NT5C2: variants seen among roughly 807,000 people sequenced by gnomAD.
NT5C2 encodes cytosolic purine 5'-nucleotidase.
A neutral mutation model predicts 76.1 loss-of-function variants in NT5C2; 58 were observed. That is an observed-to-expected ratio of 0.76 (90% confidence interval 0.62 to 0.95). The LOEUF (loss-of-function observed/expected upper bound fraction) is 0.95, where lower values mean the gene tolerates loss of function less well. Among genes scored for constraint, NT5C2 ranks in the 40% least tolerant of loss-of-function variants. The pLI is 0.00. For missense variants in NT5C2, 478 were observed against 690.3 expected, an observed-to-expected ratio of 0.69 and a Z score of 3.45; for synonymous variants, 229 against 237.4, an observed-to-expected ratio of 0.96 and a Z score of 0.32.
intron 4 of NT5C2, among the ~76,000 whole-genome samples, chr10:103,116,587 CTT>C (rs11451961): frequency 4.0e-5 from 5 of 126,202 alleles, no homozygotes; most frequent in Non-Finnish European, 4.9e-5. Flanking sequence ...TTTTTTTTTT[CTT>C]TTTTTTTTTT....
At chr10:103,134,255 T>G (rs963076436) in intron 4 of NT5C2, among the ~76,000 whole-genome samples, 1 of 151,728 alleles carries the variant, frequency 6.6e-6, no homozygotes, top group Non-Finnish European at 1.5e-5. Context: ...GGTAGCCCCT[T>G]CCACCACAGG....
chr10:103,164,363 T>C lies in NT5C2; in HGVS notation c.101+10495A>G, dbSNP rs558454490. ...ACTTCTGCCTCCTGGGTTCAAGTGA[T>C]TCTCCTGCCTCAGCCTCCTGAGTAG... is the stretch of plus-strand genomic sequence containing the variant. On this transcript the variant is annotated intron_variant, in intron 3 of 18. Transcript: ENST00000404739. Among the ~76,000 whole-genome samples the C allele has an allele frequency of 2.0e-5, 3 of 152,250 alleles. No individual in the cohort carries two copies. In the South Asian group the frequency reaches 6.2e-4, roughly 32 times the overall value.
intron 10 of NT5C2, 57 bp from the exon 11 acceptor site, chr10:103,097,431 G>T: frequency 7.1e-7 from 1 of 1,416,746 alleles, no homozygotes; most frequent in Non-Finnish European, 1.0e-6. Context: ...TTTACACTTT[G>T]GAGTTGTCAA....
chr10:103,142,018 C>T (rs760829200), intron 3 of NT5C2, among the ~76,000 whole-genome samples: 22 of 152,052 alleles, frequency 1.4e-4, no homozygotes, highest in Non-Finnish European at 2.2e-4. Context: ...AGAAAGGCAA[C>T]GCAGGCAAAA....
intron 4 of NT5C2, among the ~76,000 whole-genome samples, chr10:103,127,495 C>A (rs1313957267): frequency 6.6e-6 from 1 of 152,144 alleles, no homozygotes; most frequent in Admixed American, 6.5e-5. Flanking sequence ...ATGAAGCTCC[C>A]ATCAGAATGG....
intron 3 of NT5C2, chr10:103,153,488 A>G: frequency 1.0e-6 from 1 of 985,362 alleles, no homozygotes; most frequent in Non-Finnish European, 1.2e-6. Flanking sequence ...CCTCAGCTTT[A>G]AATACTTGAA....
At chr10:103,108,129 T>C (rs1034278239) in intron 4 of NT5C2, among the ~76,000 whole-genome samples, 1 of 152,104 alleles carries the variant, frequency 6.6e-6, no homozygotes, top group African/African-American at 2.4e-5. Flanking sequence ...CACTCCAGCC[T>C]TGGCGACAGA....
Position 103,160,447 on chromosome 10 carries a change from G to GTTATTAATT in NT5C2, c.101+14410_101+14411insAATTAATAA, listed in dbSNP as rs2084555140. 3.9e-5 allele frequency among the ~76,000 whole-genome samples: 6 copies of GTTATTAATT among 152,140 alleles called. No individual in the cohort carries two copies. The South Asian group carries it at 8.3e-4, about 21-fold the overall frequency. On this transcript the variant is annotated intron_variant, in intron 3 of 18. Transcript: ENST00000404739. Reference sequence around the variant, plus strand: ...TGTTTCAAAGGACACTACCAAAAAAGTTATTAATGAAAGTCAGCCCACAGA... The same window carrying GTTATTAATT: ...TGTTTCAAAGGACACTACCAAAAAAGTTATTAATTTTATTAATGAAAGTCAGCCCACAGA...
intron 2 of NT5C2, among the ~76,000 whole-genome samples, chr10:103,177,966 A>T (rs1054229159): frequency 1.3e-5 from 2 of 152,152 alleles, no homozygotes; most frequent in Non-Finnish European, 2.9e-5. Context: ...GGCAACAACC[A>T]ATCTGGACTC....
intron 3 of NT5C2, among the ~76,000 whole-genome samples, chr10:103,169,920 T>G (rs1300709282): frequency 1.3e-5 from 2 of 150,384 alleles, no homozygotes; most frequent in Non-Finnish European, 3.0e-5. Context: ...AGGTCAGGAG[T>G]TCAAGACCAG....
At chr10:103,129,202 A>C (rs2135980061) in intron 4 of NT5C2, among the ~76,000 whole-genome samples, 1 of 83,168 alleles carries the variant, frequency 1.2e-5, no homozygotes, top group Non-Finnish European at 2.5e-5. Flanking sequence ...CCTACTGGGA[A>C]GTGAGGAGCC....
intron 3 of NT5C2, among the ~76,000 whole-genome samples, chr10:103,150,644 T>C (rs1290235088): frequency 6.6e-6 from 1 of 152,222 alleles, no homozygotes; most frequent in East Asian, 1.9e-4. Flanking sequence ...AGAGTTACCA[T>C]TGCTCCACAG....
At position 103,093,889 on chromosome 10, in the gene NT5C2, G is replaced by A. The variant is rs964475308; in HGVS notation, c.988+83C>T. 1.3e-5 allele frequency: 13 copies of A among 1,025,320 alleles called. No homozygotes were observed. In the African/African-American group the frequency reaches 1.7e-4, roughly 14 times the overall value. The allele number at this position is 1,025,320 out of a possible 1,614,324, so 63.5% of individuals were successfully genotyped here. On this transcript the variant is annotated intron_variant, in intron 14 of 18. Transcript: ENST00000404739. ...CATCTTAGACTACTAAACAGTATATGTGGCACTTTGCTGAGAGATTACCAA... is the reference window on the plus strand; with the variant it reads ...CATCTTAGACTACTAAACAGTATATATGGCACTTTGCTGAGAGATTACCAA...
intron 6 of NT5C2, among the ~76,000 whole-genome samples, chr10:103,102,643 G>A (rs1003658920): frequency 1.3e-5 from 2 of 151,296 alleles, no homozygotes; most frequent in Admixed American, 6.6e-5. Context: ...AATAAGACCC[G>A]GCAAACTGAG....
intron 4 of NT5C2, among the ~76,000 whole-genome samples, chr10:103,113,871 AGG>A (rs984460522): frequency 5.3e-5 from 8 of 152,202 alleles, no homozygotes; most frequent in African/African-American, 1.9e-4. Flanking sequence ...CAATTTCTCA[AGG>A]TACTATAAAG....
Position 103,136,553 on chromosome 10 carries a change from G to A in NT5C2, c.175+2853C>T, listed in dbSNP as rs901910777. Among the ~76,000 whole-genome samples the A allele has an allele frequency of 8.6e-5, 13 of 151,540 alleles. No homozygotes were observed. The East Asian group carries it at 2.1e-3, about 25-fold the overall frequency. On this transcript the variant is annotated intron_variant, in intron 4 of 18. Coordinates refer to ENST00000404739, the MANE Select transcript of NT5C2 (RefSeq NM_001351169.2). ...AGACTAGGAGAAAGCATTAAAATACGAAGTGGCATTGCAAAAAACAAAAAG... is the reference window on the plus strand; with the variant it reads ...AGACTAGGAGAAAGCATTAAAATACAAAGTGGCATTGCAAAAAACAAAAAG...
At chr10:103,165,582 T>C (rs2086179281) in intron 3 of NT5C2, among the ~76,000 whole-genome samples, 1 of 149,786 alleles carries the variant, frequency 6.7e-6, no homozygotes. Flanking sequence ...GGCTTTTTTT[T>C]TTTTTTTTTT....
intron 4 of NT5C2, chr10:103,125,487 A>G: frequency 4.7e-6 from 1 of 212,718 alleles, no homozygotes; most frequent in South Asian, 6.1e-5. Flanking sequence ...CTCACTTAAC[A>G]GCTGCTGGCT....
intron 3 of NT5C2, among the ~76,000 whole-genome samples, chr10:103,174,125 G>C (rs1370717530): frequency 6.6e-6 from 1 of 150,990 alleles, no homozygotes; most frequent in Non-Finnish European, 1.5e-5. Flanking sequence ...ATTCATTCTT[G>C]GCAGGGTGTG....
Sources: gnomAD v4.1 joint callset for allele counts (sites outside exome capture counted in the v4.1 genomes callset) on GRCh38, gnomAD v4.1.1 for gene constraint, MANE v1.5 for transcripts, NCBI Gene and HGNC (gene_info 2026-07-23, HGNC 2026-07-21) for gene names.